The following SPESP1 variants were observed in gnomAD, a reference collection of about 807,000 sequenced individuals.
The protein encoded by SPESP1 is sperm equatorial segment protein 1.
SPESP1 carries 1 observed loss-of-function variant against 3.1 expected under a neutral mutation model. The observed-to-expected ratio is 0.33, with a 90% CI of 0.12 to 1.54. SPESP1 has a LOEUF of 1.54. SPESP1 is among the 40% of genes most tolerant of loss of function. SPESP1 has a pLI of 0.38. For missense variants in SPESP1, 398 were observed against 410.1 expected (o/e 0.97, Z 0.26); for synonymous variants, 138 against 150.7 (o/e 0.92, Z 0.62).
chr15:68,934,353 A>T (rs908155768), intron 1 of SPESP1, among the ~76,000 whole-genome samples: 1 of 152,206 alleles, frequency 6.6e-6, no homozygotes, highest in African/African-American at 2.4e-5. Flanking sequence ...TCACCAAATA[A>T]ATTAAGAGGA....
chr15:68,946,250 A>T lies in SPESP1; in HGVS notation c.716A>T (p.Gln239Leu), dbSNP rs1895961825. ...TTAGATATTAATTCACAAGTGCAAC[A>T]GGCACTTCTTAGTGACACCAGCAAC... ...KILDINSQVQ[Q>L]ALLSDTSNPA... Residue 239 changes from glutamine (Q) to leucine (L), a missense_variant, in exon 2 of 2, where the codon CAG (glutamine) becomes CTG (leucine). Physicochemically the swap from Gln to Leu is moderately radical, Grantham distance 113. Transcript: ENST00000310673. 6.2e-7 allele frequency: 1 copy of T among 1,613,968 alleles called. No individual in the cohort carries two copies.
At chr15:68,939,419 A>G (rs946440745) in intron 1 of SPESP1, among the ~76,000 whole-genome samples, 5 of 152,232 alleles carry the variant, frequency 3.3e-5, no homozygotes, top group South Asian at 2.1e-4. Flanking sequence ...GAATGGAGAA[A>G]AACAGGTTTT....
intron 1 of SPESP1, among the ~76,000 whole-genome samples, chr15:68,936,806 A>AG (rs1469436394): frequency 1.3e-5 from 2 of 152,192 alleles, no homozygotes; most frequent in Non-Finnish European, 2.9e-5. Context: ...GTAGAACATA[A>AG]GTTTATGTGA....
rs1895502115 is a variant in SPESP1 at position 68,930,570 on chromosome 15, C to T, written c.-84C>T. The T allele has an allele frequency of 6.3e-7, 1 of 1,575,154 alleles. No homozygotes were observed. On this transcript the variant is annotated 5_prime_UTR_variant, in exon 1 of 2. Transcript: ENST00000310673. ...CTGAGGCAGGACGGTACTCCGCTGACACCTTCCCTTTCGGCCTTGAGGTTC... is the reference window on the plus strand; with the variant it reads ...CTGAGGCAGGACGGTACTCCGCTGATACCTTCCCTTTCGGCCTTGAGGTTC...
rs770728095 is a variant in SPESP1 at position 68,946,040 on chromosome 15, C to T, written c.506C>T (p.Ser169Phe). ...PRMLPVVTESSTSPYVTSYKS... is the reference protein window; with the variant it reads ...PRMLPVVTESFTSPYVTSYKS... ...ATGTTGCCAGTTGTTACTGAATCAT[C>T]TACAAGTCCATATGTTACCTCATAC... The change falls in exon 2 of 2, where the codon TCT becomes TTT. Residue 169 changes from serine to phenylalanine, a missense_variant. By Grantham distance (155) the Ser-to-Phe change is radical. Coordinates refer to ENST00000310673, the MANE Select transcript of SPESP1 (RefSeq NM_145658.4). The T allele has an allele frequency of 1.9e-6, 3 of 1,614,150 alleles. No individual in the cohort carries two copies. The South Asian group carries it at 3.3e-5, about 18-fold the overall frequency.
intron 1 of SPESP1, among the ~76,000 whole-genome samples, chr15:68,932,029 C>T (rs1181491713): frequency 6.6e-6 from 1 of 152,178 alleles, no homozygotes; most frequent in Non-Finnish European, 1.5e-5. Context: ...AGATGAAGTT[C>T]TAGGTAACTA....
intron 1 of SPESP1, among the ~76,000 whole-genome samples, chr15:68,944,978 C>T (rs2140429068): frequency 6.6e-6 from 1 of 152,248 alleles, no homozygotes; most frequent in South Asian, 2.1e-4. Flanking sequence ...AAGTTGACAT[C>T]ACTGAGCAGG....
chr15:68,942,406 C>G (rs1895850286), intron 1 of SPESP1, among the ~76,000 whole-genome samples: 1 of 152,050 alleles, frequency 6.6e-6, no homozygotes, highest in Non-Finnish European at 1.5e-5. Flanking sequence ...CTGTCCAATT[C>G]TTATGTCTCC....
intron 1 of SPESP1, among the ~76,000 whole-genome samples, chr15:68,942,743 G>A (rs1595721654): frequency 1.3e-5 from 2 of 152,228 alleles, no homozygotes; most frequent in Admixed American, 1.3e-4. Flanking sequence ...AAAAAGGCAA[G>A]TGTAGTATCT....
In SPESP1 at chr15:68,946,155, G is replaced by A. The variant is rs927759041; in HGVS notation, c.621G>A (p.Ala207=). The A allele has an allele frequency of 6.8e-6, 11 of 1,613,992 alleles. 1 individual carries two copies. Among genetic ancestry groups the A allele is most frequent in the South Asian group, 2.2e-5 (2 of 91,082 alleles). The part of the protein sequence containing the change: ...EDVPQLSGET[A]IEKPEEFGKH... The stretch of plus-strand genomic sequence containing the variant: ...TTCCTCAGCTCTCAGGTGAAACTGC[G>A]ATAGAAAAACCCGAAGAGTTTGGAA... Residue 207 remains alanine, a synonymous_variant, in exon 2 of 2, where the codon GCG becomes GCA. Transcript: ENST00000310673.
At chr15:68,936,359 C>G (rs1374588035) in intron 1 of SPESP1, among the ~76,000 whole-genome samples, 10 of 152,164 alleles carry the variant, frequency 6.6e-5, no homozygotes, top group Non-Finnish European at 4.4e-5. Flanking sequence ...TGTATCTACA[C>G]AATGAAATAT....
In SPESP1 at chr15:68,946,558, A is replaced by G; in HGVS notation, c.1024A>G (p.Arg342Gly). ...NTLKNMCRSRRVTALLKVY is the reference protein window; with the variant it reads ...NTLKNMCRSRGVTALLKVY Reference sequence around the variant, plus strand: ...ATTAAAAAATATGTGTAGATCAAGGAGAGTCACAGCCTTATTAAAAGTTTA... The same window carrying G: ...ATTAAAAAATATGTGTAGATCAAGGGGAGTCACAGCCTTATTAAAAGTTTA... Residue 342 changes from arginine to glycine, a missense_variant, in exon 2 of 2, where the codon AGA (arginine) becomes GGA (glycine). Arg to Gly is a moderately radical substitution (Grantham distance 125). Transcript: ENST00000310673. The G allele has an allele frequency of 6.6e-7, 1 of 1,514,624 alleles. No individual in the cohort carries two copies. Among genetic ancestry groups the G allele is most frequent in the African/African-American group, 1.6e-5 (1 of 61,492 alleles). 93.8% of individuals were successfully genotyped at this position (1,514,624 alleles called of 1,614,324 possible).
rs772824181 is a variant in SPESP1, at chr15:68,945,699, G to GA, written c.171dup (p.Ser58IlefsTer2). On this transcript the variant is annotated frameshift_variant, in exon 2 of 2. Coordinates refer to ENST00000310673, the MANE Select transcript of SPESP1 (RefSeq NM_145658.4). LOFTEE classifies it low-confidence loss of function (END_TRUNC). ...TTCCCTCTGGGGAGCCAGGTCGTGA[G>GA]AAAAAATCTAACTCTCCAAAACATG... The GA allele has an allele frequency of 6.8e-6, 11 of 1,613,834 alleles. No individual in the cohort carries two copies. Among genetic ancestry groups the GA allele is most frequent in the South Asian group, 2.2e-5 (2 of 91,016 alleles).
rs746838880 is a variant in SPESP1, at chr15:68,946,285, A to G, written c.751A>G (p.Arg251Gly). ...TAGTGACACCAGCAACCCAGCATAT[A>G]GAGAAGATATTGAAGCCTCTAAAGA... The part of the protein sequence containing the change: ...LLSDTSNPAY[R>G]EDIEASKDHL... The change falls in exon 2 of 2, where the codon AGA (arginine) becomes GGA (glycine). Residue 251 changes from arginine (R) to glycine (G), a missense_variant. Coordinates refer to ENST00000310673, the MANE Select transcript of SPESP1 (RefSeq NM_145658.4). The G allele has an allele frequency of 2.5e-6, 4 of 1,614,026 alleles. No homozygotes were observed. Among genetic ancestry groups the G allele is most frequent in the South Asian group, 1.1e-5 (1 of 91,078 alleles).
chr15:68,930,860 C>T (rs1895515424), intron 1 of SPESP1, 143 bp downstream of exon 1: 1 of 1,287,728 alleles, frequency 7.8e-7, no homozygotes, highest in African/African-American at 1.5e-5. Context: ...GGCCTCGACG[C>T]CGAGGGGTGT....
chr15:68,937,318 A>G (rs908713814), intron 1 of SPESP1, among the ~76,000 whole-genome samples: 3 of 152,174 alleles, frequency 2.0e-5, no homozygotes, highest in African/African-American at 7.2e-5. Flanking sequence ...TGAACAAATT[A>G]GATGTGTCAC....
intron 1 of SPESP1, among the ~76,000 whole-genome samples, chr15:68,942,056 T>C (rs1453121649): frequency 2.6e-5 from 4 of 152,176 alleles, no homozygotes; most frequent in Non-Finnish European, 5.9e-5. Flanking sequence ...ACCCCTGGGC[T>C]CAAGCCATCC....
At chr15:68,940,806 C>G (rs917543815) in intron 1 of SPESP1, among the ~76,000 whole-genome samples, 2 of 145,600 alleles carry the variant, frequency 1.4e-5, no homozygotes, top group African/African-American at 5.1e-5. Flanking sequence ...TTGTGTTCTT[C>G]CATCAAGAAA....
chr15:68,941,617 A>T (rs1477881159), intron 1 of SPESP1, among the ~76,000 whole-genome samples: 2 of 145,360 alleles, frequency 1.4e-5, no homozygotes, highest in Non-Finnish European at 3.0e-5. Context: ...GTGTGTGTCA[A>T]ATCTCTCTGT....
Sources: allele counts gnomAD v4.1 joint callset (sites outside exome capture counted in the v4.1 genomes callset), GRCh38; gene constraint gnomAD v4.1.1; transcripts MANE v1.5; gene names NCBI Gene and HGNC (gene_info 2026-07-23, HGNC 2026-07-21).